Variants in MERTK observed in about 807,000 individuals in gnomAD.
MERTK encodes the protein tyrosine-protein kinase Mer.
A neutral mutation model predicts 99.3 loss-of-function variants in MERTK; 69 were observed. The observed-to-expected ratio is 0.70, with a 90% CI of 0.57 to 0.85. MERTK has a LOEUF of 0.85. Ranked by LOEUF, MERTK falls within the 40% of genes least tolerant of loss-of-function variation. MERTK has a pLI of 0.00. For missense variants in MERTK, 1,125 were observed against 1,249.4 expected (o/e 0.90, Z 1.50); for synonymous variants, 426 against 467.6 (o/e 0.91, Z 1.15).
chr2:111,932,714 AT>A (rs1684696335), intron 2 of MERTK, among the ~76,000 whole-genome samples: 1 of 152,192 alleles, frequency 6.6e-6, no homozygotes, highest in Non-Finnish European at 1.5e-5. Context: ...CTCCTGGCCA[AT>A]TTTGGTGAGG....
chr2:112,006,117 A>C lies in MERTK; in HGVS notation c.1867+2133A>C, dbSNP rs193048918. On this transcript the variant is annotated intron_variant, in intron 13 of 18. Transcript: ENST00000295408. ...GGCTGGTCTTGAACTCTTGGCCTCAAGTAATCCGCCCACCTTGGCCTCCCA... is the reference window on the plus strand; with the variant it reads ...GGCTGGTCTTGAACTCTTGGCCTCACGTAATCCGCCCACCTTGGCCTCCCA... Among the ~76,000 whole-genome samples, 18 of 152,208 alleles carry C rather than the reference A, an allele frequency of 1.2e-4. No homozygotes were observed. The East Asian group carries it at 3.5e-3, about 29-fold the overall frequency.
intron 2 of MERTK, among the ~76,000 whole-genome samples, chr2:111,935,748 A>C (rs767890244): frequency 6.6e-6 from 1 of 152,016 alleles, no homozygotes; most frequent in Non-Finnish European, 1.5e-5. Flanking sequence ...CCAAACATAC[A>C]AAGAAAGAAA....
At chr2:111,907,755 T>G (rs1177091070) in intron 1 of MERTK, among the ~76,000 whole-genome samples, 1 of 152,228 alleles carries the variant, frequency 6.6e-6, no homozygotes, top group Non-Finnish European at 1.5e-5. Flanking sequence ...CATTTTATAA[T>G]TGGAAATTTA....
intron 2 of MERTK, among the ~76,000 whole-genome samples, chr2:111,937,440 C>T (rs1684784566): frequency 6.6e-6 from 1 of 152,070 alleles, no homozygotes; most frequent in Non-Finnish European, 1.5e-5. Context: ...AACACTGCCT[C>T]GAAAACAAAA....
chr2:111,958,774 G>A (rs1685194065), intron 4 of MERTK, among the ~76,000 whole-genome samples: 1 of 152,062 alleles, frequency 6.6e-6, no homozygotes, highest in East Asian at 1.9e-4. Context: ...AACCTGTTAG[G>A]ACTAAAGATC....
At chr2:111,983,377 T>C (rs1419824350) in intron 8 of MERTK, among the ~76,000 whole-genome samples, 1 of 152,166 alleles carries the variant, frequency 6.6e-6, no homozygotes, top group African/African-American at 2.4e-5. Flanking sequence ...AGTCCAGCAA[T>C]TCATGGCCTT....
At chr2:111,917,602 C>T (rs1056239076) in intron 1 of MERTK, among the ~76,000 whole-genome samples, 25 of 152,126 alleles carry the variant, frequency 1.6e-4, no homozygotes, top group South Asian at 2.1e-4. Context: ...TGCTAAAAGA[C>T]GAGGCCAGGC....
At chr2:112,019,263 A>G (rs1677282279) in intron 15 of MERTK, 150 bp from the exon 16 acceptor site, 1 of 773,728 alleles carries the variant, frequency 1.3e-6, no homozygotes, top group Non-Finnish European at 2.4e-6. Context: ...CTTATTTGTG[A>G]TATTAGTGAT....
At chr2:111,997,767 A>T (rs989316787) in intron 10 of MERTK, among the ~76,000 whole-genome samples, 10 of 152,226 alleles carry the variant, frequency 6.6e-5, no homozygotes, top group African/African-American at 2.4e-4. Flanking sequence ...AGCCTTAAAA[A>T]TAGGCCGAGT....
chr2:111,999,772 C>T lies in MERTK; in HGVS notation c.1605-1429C>T, dbSNP rs191677482. Among the ~76,000 whole-genome samples, 222 of 152,172 alleles carry T rather than the reference C, an allele frequency of 1.5e-3. 1 individual carries two copies. Among genetic ancestry groups the T allele is most frequent in the African/African-American group, 4.5e-3 (188 of 41,506 alleles). On this transcript the variant is annotated intron_variant, in intron 10 of 18. Transcript: ENST00000295408. ...TGAGCAGTAAAGCTTTTTAATCACC[C>T]GGGTGCAGGTGGGCTGAGTCCGAAA...
chr2:111,994,342 C>G lies in MERTK; in HGVS notation c.1388C>G (p.Ala463Gly), dbSNP rs770181926. 1 of 1,614,138 alleles carries G rather than the reference C, an allele frequency of 6.2e-7. No individual in the cohort carries two copies. Among genetic ancestry groups the G allele is most frequent in the Non-Finnish European group, 8.5e-7 (1 of 1,180,036 alleles). The change falls in exon 9 of 19, where the codon GCC becomes GGC. Residue 463 changes from alanine (A) to glycine (G), a missense_variant. Ala to Gly is a moderately conservative substitution (Grantham distance 60). Transcript: ENST00000295408. ...HNATCTVRIA[A>G]VTRGGVGPFS... ...GCTACGTGCACAGTGAGGATTGCAG[C>G]CGTCACCAGAGGGGGAGTTGGGCCC...
At chr2:111,924,535 T>C (rs1202518923) in intron 1 of MERTK, among the ~76,000 whole-genome samples, 5 of 152,138 alleles carry the variant, frequency 3.3e-5, no homozygotes, top group Non-Finnish European at 5.9e-5. Flanking sequence ...CTTCACTGCC[T>C]TCCTGGAAGG....
In MERTK at chr2:111,954,315, T is replaced by C. The variant is rs533513995; in HGVS notation, c.757+6748T>C. 2.6e-5 allele frequency among the ~76,000 whole-genome samples: 4 copies of C among 152,326 alleles called. No homozygotes were observed. In the East Asian group the frequency reaches 7.7e-4, roughly 29 times the overall value. On this transcript the variant is annotated intron_variant, in intron 4 of 18. Transcript: ENST00000295408. ...ATTGTCTGGCAAACCCCTGTTCACT[T>C]GACACACAGATCACGGCTCTCCTCT...
At chr2:111,955,087 T>G (rs1043887946) in intron 4 of MERTK, among the ~76,000 whole-genome samples, 3 of 152,038 alleles carry the variant, frequency 2.0e-5, no homozygotes, top group Non-Finnish European at 1.5e-5. Context: ...GGGACGCCAT[T>G]CTATCTGAAA....
At position 112,028,266 on chromosome 2, in the gene MERTK, A is replaced by G. The variant is rs980326332; in HGVS notation, c.2487-85A>G. The G allele has an allele frequency of 2.8e-6, 4 of 1,409,948 alleles. No individual in the cohort carries two copies. In the South Asian group the frequency reaches 4.7e-5, roughly 17 times the overall value. The allele number at this position is 1,409,948 out of a possible 1,614,324, so 87.3% of individuals were successfully genotyped here. ...GAATGAATGCTGATTAAAATGTGAT[A>G]AAGATTCTGTAAAAACAAAGGCATG... On this transcript the variant is annotated intron_variant, in intron 18 of 18. Coordinates refer to ENST00000295408, the MANE Select transcript of MERTK (RefSeq NM_006343.3).
Position 111,898,761 on chromosome 2 carries a change from T to G in MERTK, c.26T>G (p.Leu9Arg). Residue 9 changes from leucine (L) to arginine (R), a missense_variant, in exon 1 of 19, where the codon CTG becomes CGG. Leu to Arg is a moderately radical substitution (Grantham distance 102). Coordinates refer to ENST00000295408, the MANE Select transcript of MERTK (RefSeq NM_006343.3). The stretch of plus-strand genomic sequence containing the variant: ...ATGGGGCCGGCCCCGCTGCCGCTGC[T>G]GCTGGGCCTCTTCCTCCCCGCGCTC... MGPAPLPL[L>R]LGLFLPALWR... The G allele has an allele frequency of 6.2e-7, 1 of 1,605,300 alleles. No homozygotes were observed. Among genetic ancestry groups the G allele is most frequent in the Non-Finnish European group, 8.5e-7 (1 of 1,176,630 alleles).
intron 16 of MERTK, among the ~76,000 whole-genome samples, chr2:112,020,966 G>A (rs547173800): frequency 9.8e-4 from 149 of 151,748 alleles, no homozygotes; most frequent in Middle Eastern, 6.8e-3. Flanking sequence ...TGCCAAGGCG[G>A]GCAGATCACT....
intron 1 of MERTK, among the ~76,000 whole-genome samples, chr2:111,916,253 A>G (rs1684347331): frequency 6.6e-6 from 1 of 152,130 alleles, no homozygotes; most frequent in Non-Finnish European, 1.5e-5. Context: ...TTGGCTTCCC[A>G]AAGTGCTGGG....
intron 1 of MERTK, 87 bp downstream of exon 1, chr2:111,898,883 G>A: frequency 1.5e-6 from 2 of 1,360,118 alleles, no homozygotes; most frequent in South Asian, 1.4e-5. Flanking sequence ...GCGTCCACAG[G>A]GGCGCGCCTG....
Sources: gnomAD v4.1 joint callset for allele counts (sites outside exome capture counted in the v4.1 genomes callset) on GRCh38, gnomAD v4.1.1 for gene constraint, MANE v1.5 for transcripts, NCBI Gene and HGNC (gene_info 2026-07-23, HGNC 2026-07-21) for gene names.